SPECC1: variants seen among roughly 807,000 people sequenced by gnomAD.
The protein encoded by SPECC1 is cytospin-B.
A neutral mutation model predicts 104.1 loss-of-function variants in SPECC1; 62 were observed. The observed-to-expected ratio is 0.60, with a 90% CI of 0.49 to 0.74. SPECC1 has a LOEUF of 0.74. Ranked by LOEUF, SPECC1 falls within the 30% of genes least tolerant of loss-of-function variation. SPECC1 has a pLI of 0.00. For synonymous variants in SPECC1, 513 were observed against 501.6 expected, an observed-to-expected ratio of 1.02 and a Z score of -0.30; for missense variants, 1,306 against 1,310.5, an observed-to-expected ratio of 1.00 and a Z score of 0.05.
chr17:20,055,085 T>C (rs1180876037), intron 1 of SPECC1, among the ~76,000 whole-genome samples: 1 of 152,214 alleles, frequency 6.6e-6, no homozygotes, highest in Non-Finnish European at 1.5e-5. Flanking sequence ...TAGTAACTCC[T>C]CGTTTCCCGC....
At chr17:20,311,719 G>T (rs1195972049) in intron 14 of SPECC1, among the ~76,000 whole-genome samples, 1 of 152,154 alleles carries the variant, frequency 6.6e-6, no homozygotes, top group East Asian at 1.9e-4. Context: ...TCCTTGCCTT[G>T]TTCATGATTT....
At chr17:20,126,202 C>T (rs986383064) in intron 3 of SPECC1, among the ~76,000 whole-genome samples, 1 of 152,154 alleles carries the variant, frequency 6.6e-6, no homozygotes, top group Non-Finnish European at 1.5e-5. Context: ...CTCCCTCCTT[C>T]CCTGCTCTCC....
intron 2 of SPECC1, among the ~76,000 whole-genome samples, chr17:20,107,427 AG>A (rs1202322235): frequency 1.3e-5 from 2 of 149,910 alleles, no homozygotes; most frequent in African/African-American, 4.9e-5. Context: ...TGGGCAACAT[AG>A]TGAGATCCTG....
intron 2 of SPECC1, among the ~76,000 whole-genome samples, chr17:20,099,406 C>T (rs1281054905): frequency 6.7e-6 from 1 of 149,780 alleles, no homozygotes; most frequent in South Asian, 2.1e-4. Flanking sequence ...AGGCCTCGGC[C>T]GGGCAGGGTG....
intron 7 of SPECC1, among the ~76,000 whole-genome samples, chr17:20,240,060 ATTTTTTTTTTTTTT>A (rs748689632): frequency 0.065 from 2,106 of 32,278 alleles, 78 homozygotes; most frequent in Admixed American, 0.17. Flanking sequence ...TGTCCAGCTA[ATTTTTTTTTTTTTT>A]TTTTTTTTTT....
chr17:20,136,142 C>T (rs936185978), intron 3 of SPECC1, among the ~76,000 whole-genome samples: 7 of 152,026 alleles, frequency 4.6e-5, no homozygotes, highest in East Asian at 1.9e-4. Flanking sequence ...TTGCACTGGG[C>T]GCGGTGGCTC....
chr17:20,223,066 T>C (rs2037986371), intron 4 of SPECC1, among the ~76,000 whole-genome samples: 1 of 152,180 alleles, frequency 6.6e-6, no homozygotes, highest in African/African-American at 2.4e-5. Flanking sequence ...ACTTGAGTAT[T>C]AATATTTTTC....
chr17:20,108,866 CCTTCTTCGACTTA>C (rs1238897363), intron 2 of SPECC1, among the ~76,000 whole-genome samples: 1 of 152,172 alleles, frequency 6.6e-6, no homozygotes, highest in African/African-American at 2.4e-5. Context: ...TAGGAGTCTC[CCTTCTTCGACTTA>C]CTGCCTTTCA....
At position 20,009,949 on chromosome 17, in the gene SPECC1, CTGG is replaced by C. The variant is rs984380557; in HGVS notation, c.-22+526_-22+528del. 13 of 152,414 alleles carry C rather than the reference CTGG, an allele frequency of 8.5e-5. No homozygotes were observed. The highest frequency in any genetic ancestry group is 2.2e-4 in the African/African-American group (9 of 41,448). The allele number at this position is 152,414 out of a possible 1,614,324, so 9.4% of individuals were successfully genotyped here. A position where few individuals can be genotyped will look rare whatever the true frequency, so the allele number is the denominator to read the frequency against. On this transcript the variant is annotated intron_variant, in intron 1 of 14. Transcript: ENST00000395527. This position sits in a 1 kb window ranked among gnomAD's most constrained non-coding sequence, Gnocchi z 5.2. Reference sequence around the variant, plus strand: ...GCGTCCGCCGCGCTCCCGCCCCTTCCTGGCCGGGGTGACAGGGGAAGGGCTAGG... The same window carrying C: ...GCGTCCGCCGCGCTCCCGCCCCTTCCCCGGGGTGACAGGGGAAGGGCTAGG...
intron 1 of SPECC1, among the ~76,000 whole-genome samples, chr17:20,086,470 C>T (rs567817954): frequency 2.6e-5 from 4 of 152,182 alleles, no homozygotes; most frequent in African/African-American, 9.7e-5. Flanking sequence ...TGACTTAAGG[C>T]TTCTGTGCAT....
At chr17:20,114,642 A>C (rs1404317863) in intron 3 of SPECC1, among the ~76,000 whole-genome samples, 2 of 152,172 alleles carry the variant, frequency 1.3e-5, no homozygotes, top group African/African-American at 4.8e-5. Context: ...AGCTGTGTCC[A>C]CAGGGTTCTG....
At chr17:20,041,320 G>T (rs2045318154) in intron 1 of SPECC1, among the ~76,000 whole-genome samples, 1 of 150,670 alleles carries the variant, frequency 6.6e-6, no homozygotes. Flanking sequence ...TCGGCTCACC[G>T]CAACCTCCAC....
At chr17:20,235,230 CA>C (rs1350744298) in intron 7 of SPECC1, among the ~76,000 whole-genome samples, 1 of 152,240 alleles carries the variant, frequency 6.6e-6, no homozygotes, top group Non-Finnish European at 1.5e-5. Context: ...CTCTTTGACA[CA>C]GTGGCATCTC....
chr17:20,216,859 A>T (rs1429149270), intron 4 of SPECC1, among the ~76,000 whole-genome samples: 1 of 152,124 alleles, frequency 6.6e-6, no homozygotes, highest in Non-Finnish European at 1.5e-5. Context: ...AGAGAAGTTA[A>T]ACTCTAAGGA....
chr17:20,162,437 C>T (rs1325630979), intron 3 of SPECC1, among the ~76,000 whole-genome samples: 1 of 152,088 alleles, frequency 6.6e-6, no homozygotes, highest in South Asian at 2.1e-4. Context: ...TGAGCCACCG[C>T]GCCCGGCCCA....
chr17:20,163,625 G>A (rs2033373643), intron 3 of SPECC1, among the ~76,000 whole-genome samples: 1 of 151,114 alleles, frequency 6.6e-6, no homozygotes, highest in African/African-American at 2.4e-5. Flanking sequence ...CAGTGGCAGG[G>A]TCAGAGCTTA....
intron 1 of SPECC1, among the ~76,000 whole-genome samples, chr17:20,037,431 G>A (rs2045134402): frequency 6.6e-6 from 1 of 151,790 alleles, no homozygotes. Context: ...GATTACAGGT[G>A]TGAGCCACTG....
At chr17:20,051,578 T>C (rs1248494481) in intron 1 of SPECC1, among the ~76,000 whole-genome samples, 1 of 152,216 alleles carries the variant, frequency 6.6e-6, no homozygotes, top group Non-Finnish European at 1.5e-5. Context: ...GTTTTAGGGC[T>C]TTTTCTTCCT....
intron 3 of SPECC1, among the ~76,000 whole-genome samples, chr17:20,192,436 GAT>G (rs1481242403): frequency 6.6e-6 from 1 of 152,052 alleles, no homozygotes; most frequent in Non-Finnish European, 1.5e-5. Context: ...TTCCTCTTAT[GAT>G]AGATGAGGAT....
Sources: allele counts gnomAD v4.1 joint callset (sites outside exome capture counted in the v4.1 genomes callset), GRCh38; gene constraint gnomAD v4.1.1; non-coding constraint Gnocchi (gnomAD v3.1); transcripts MANE v1.5; gene names NCBI Gene and HGNC (gene_info 2026-07-23, HGNC 2026-07-21).